SLC38A1: variants seen among roughly 807,000 people sequenced by gnomAD.
SLC38A1 encodes the protein solute carrier family 38 member 1, also known as sodium-coupled neutral amino acid symporter 1.
In SLC38A1, 18 loss-of-function variants were observed where a neutral mutation model predicts 60.3. That is an observed-to-expected ratio of 0.30 (90% CI 0.21 to 0.44). The LOEUF (loss-of-function observed/expected upper bound fraction) is 0.44. SLC38A1 is among the 20% of genes least tolerant of loss of function. SLC38A1 has a pLI of 1.00. For synonymous variants in SLC38A1, 196 were observed against 212.1 expected (o/e 0.92, Z 0.66); for missense variants, 448 against 587.2 (o/e 0.76, Z 2.45).
At chr12:46,238,213 A>G (rs1287710775) in intron 3 of SLC38A1, among the ~76,000 whole-genome samples, 1 of 152,084 alleles carries the variant, frequency 6.6e-6, no homozygotes, top group Admixed American at 6.5e-5. Context: ...CTCAAAAAAG[A>G]TGAAAGAAGT....
rs1044435763 is a variant in SLC38A1, at chr12:46,185,348, C to A, written c.*3622G>T. On this transcript the variant is annotated 3_prime_UTR_variant, in exon 17 of 17. Transcript: ENST00000398637. ...CCAGGGTAATAGTCTTAGGTGCTCG[C>A]CGAAGCACTGAGGAATCTTACCACA... 2 of 152,108 alleles carry A rather than the reference C, an allele frequency of 1.3e-5. No homozygotes were observed. The highest frequency in any genetic ancestry group is 4.8e-5 in the African/African-American group (2 of 41,410). The allele number at this position is 152,108 out of a possible 1,614,324, so 9.4% of individuals were successfully genotyped here. A position where few individuals can be genotyped will look rare whatever the true frequency, so the allele number is the denominator to read the frequency against.
chr12:46,209,328 G>A (rs949442611), intron 5 of SLC38A1, among the ~76,000 whole-genome samples: 3 of 152,192 alleles, frequency 2.0e-5, no homozygotes, highest in African/African-American at 7.2e-5. Context: ...ATTAGAATCT[G>A]AGTAACAGTT....
In SLC38A1 at chr12:46,187,312, T is replaced by C. The variant is rs1938970231; in HGVS notation, c.*1658A>G. The C allele has an allele frequency of 6.6e-6, 1 of 152,260 alleles. No individual in the cohort carries two copies. 9.4% of individuals were successfully genotyped at this position (152,260 alleles called of 1,614,324 possible). On this transcript the variant is annotated 3_prime_UTR_variant, in exon 17 of 17. Transcript: ENST00000398637. ...CTGCCAACAGTCTGCGGTTAGATTC[T>C]ACTTGTCTCTGGATAAGAAATCTGT...
chr12:46,214,577 A>G (rs962175542), intron 5 of SLC38A1, among the ~76,000 whole-genome samples: 2 of 152,230 alleles, frequency 1.3e-5, no homozygotes, highest in African/African-American at 4.8e-5. Flanking sequence ...GTTCTATACC[A>G]TGATTGTGGT....
intron 16 of SLC38A1, among the ~76,000 whole-genome samples, chr12:46,190,035 C>T (rs1939080329): frequency 6.6e-6 from 1 of 151,820 alleles, no homozygotes; most frequent in Non-Finnish European, 1.5e-5. Flanking sequence ...TTTGCTGCAC[C>T]CATCAACTTG....
intron 16 of SLC38A1, among the ~76,000 whole-genome samples, chr12:46,193,906 T>C (rs1043783402): frequency 6.6e-6 from 1 of 152,374 alleles, no homozygotes; most frequent in South Asian, 2.1e-4. Context: ...TTCTCTGTCT[T>C]TTAATTGGGG....
At chr12:46,237,197 G>A (rs985504854) in intron 3 of SLC38A1, among the ~76,000 whole-genome samples, 1 of 152,168 alleles carries the variant, frequency 6.6e-6, no homozygotes, top group African/African-American at 2.4e-5. Context: ...TCACTGTTTG[G>A]GGAGAAGTGG....
chr12:46,211,071 C>T (rs779264874), intron 5 of SLC38A1, among the ~76,000 whole-genome samples: 2 of 152,084 alleles, frequency 1.3e-5, no homozygotes, highest in African/African-American at 4.8e-5. Context: ...TTTTTTTTCC[C>T]GTCAAGTAAG....
At chr12:46,252,343 G>A (rs1941876752) in intron 1 of SLC38A1, among the ~76,000 whole-genome samples, 1 of 152,114 alleles carries the variant, frequency 6.6e-6, no homozygotes, top group African/African-American at 2.4e-5. Flanking sequence ...GTCACAGGGT[G>A]GGGGCCTGGG....
intron 16 of SLC38A1, among the ~76,000 whole-genome samples, chr12:46,193,950 T>C (rs1264321296): frequency 6.6e-6 from 1 of 152,208 alleles, no homozygotes; most frequent in Non-Finnish European, 1.5e-5. Flanking sequence ...GTTAATATTG[T>C]TATGTTTGAA....
At chr12:46,209,802 T>C (rs949226379) in intron 5 of SLC38A1, among the ~76,000 whole-genome samples, 1 of 152,186 alleles carries the variant, frequency 6.6e-6, no homozygotes. Flanking sequence ...TTTGTTTTAG[T>C]ACATCTGGGT....
chr12:46,201,060 C>G, intron 13 of SLC38A1, 38 bp downstream of exon 13: 3 of 1,393,994 alleles, frequency 2.2e-6, no homozygotes, highest in Admixed American at 1.9e-5. Context: ...AATTTGTTTA[C>G]AAATATTTAT....
chr12:46,205,185 C>T (rs914195859), intron 9 of SLC38A1, among the ~76,000 whole-genome samples: 17 of 152,026 alleles, frequency 1.1e-4, no homozygotes, highest in Admixed American at 7.9e-4. Context: ...AGTAGCCTCT[C>T]GGGACTGCAT....
chr12:46,245,482 G>A (rs865817954), intron 1 of SLC38A1, among the ~76,000 whole-genome samples: 10 of 152,194 alleles, frequency 6.6e-5, no homozygotes, highest in African/African-American at 1.9e-4. Flanking sequence ...CAAGGGTATG[G>A]AGAAAAGGAA....
At chr12:46,216,859 C>CAA (rs112861910) in intron 5 of SLC38A1, among the ~76,000 whole-genome samples, 32 of 135,616 alleles carry the variant, frequency 2.4e-4, no homozygotes, top group Middle Eastern at 3.5e-3. Context: ...GATGCCGTTT[C>CAA]AAAAAAAAAA....
intron 12 of SLC38A1, 59 bp from the exon 13 acceptor site, chr12:46,201,257 T>C: frequency 7.3e-7 from 1 of 1,363,414 alleles, no homozygotes. Flanking sequence ...AGCACCAGTG[T>C]TAACATTGAA....
chr12:46,246,795 G>A (rs1409009798), intron 1 of SLC38A1, among the ~76,000 whole-genome samples: 1 of 152,136 alleles, frequency 6.6e-6, no homozygotes, highest in African/African-American at 2.4e-5. Context: ...AGCCCCTCTT[G>A]GACAAAGCTT....
intron 1 of SLC38A1, among the ~76,000 whole-genome samples, chr12:46,265,598 C>T (rs1350174418): frequency 6.6e-6 from 1 of 152,086 alleles, no homozygotes; most frequent in South Asian, 2.1e-4. Context: ...TGTGAAGGGT[C>T]CTAAGTGTAT....
rs1938959998 is a variant in SLC38A1 at position 46,187,016 on chromosome 12, A to T, written c.*1954T>A. Reference sequence around the variant, plus strand: ...AATATAATATGGAAAACATTGCTGAAAAGAACAGAGATGGCCATGGATATG... The same window carrying T: ...AATATAATATGGAAAACATTGCTGATAAGAACAGAGATGGCCATGGATATG... On this transcript the variant is annotated 3_prime_UTR_variant, in exon 17 of 17. Transcript: ENST00000398637. The T allele has an allele frequency of 6.6e-6, 1 of 152,234 alleles. No individual in the cohort carries two copies. The highest frequency in any genetic ancestry group is 1.5e-5 in the Non-Finnish European group (1 of 68,046). 9.4% of individuals were successfully genotyped at this position (152,234 alleles called of 1,614,324 possible). A position where few individuals can be genotyped will look rare whatever the true frequency, so the allele number is the denominator to read the frequency against.
Sources: gnomAD v4.1 joint callset for allele counts (sites outside exome capture counted in the v4.1 genomes callset) on GRCh38, gnomAD v4.1.1 for gene constraint, MANE v1.5 for transcripts, NCBI Gene and HGNC (gene_info 2026-07-23, HGNC 2026-07-21) for gene names.